ZFHX3: variants seen among roughly 807,000 people sequenced by gnomAD.
ZFHX3 encodes the protein zinc finger homeobox 3.
In ZFHX3, 42 loss-of-function variants were observed where a neutral mutation model predicts 279.1. The ratio of observed to expected loss-of-function variants is 0.15; its 90% confidence interval spans 0.12 to 0.19. The LOEUF (loss-of-function observed/expected upper bound fraction) is 0.19. ZFHX3 is among the 10% of genes least tolerant of loss of function. The pLI is 1.00. For missense variants in ZFHX3, 4,981 were observed against 4,754.0 expected (o/e 1.05, Z -1.40); for synonymous variants, 2,293 against 1,957.8 (o/e 1.17, Z -4.52).
intron 2 of ZFHX3, among the ~76,000 whole-genome samples, chr16:73,561,777 T>C (rs1003606983): frequency 3.3e-5 from 5 of 152,256 alleles, no homozygotes; most frequent in Admixed American, 2.0e-4. Flanking sequence ...ACTGCCGAGT[T>C]CTATGACAAT....
chr16:73,337,895 G>GT (rs951304226), intron 3 of ZFHX3, among the ~76,000 whole-genome samples: 5 of 144,932 alleles, frequency 3.4e-5, no homozygotes, highest in Non-Finnish European at 7.7e-5. Flanking sequence ...CCCTTGGCGG[G>GT]GGGGGGGGTC....
chr16:73,553,645 A>G (rs1169849344), intron 2 of ZFHX3, among the ~76,000 whole-genome samples: 1 of 152,220 alleles, frequency 6.6e-6, no homozygotes, highest in African/African-American at 2.4e-5. Flanking sequence ...TAAGGACAGC[A>G]TAGACTGGTC....
At chr16:73,632,694 A>G (rs919453922) in intron 2 of ZFHX3, among the ~76,000 whole-genome samples, 3 of 151,804 alleles carry the variant, frequency 2.0e-5, no homozygotes, top group Non-Finnish European at 4.4e-5. Context: ...CAAAAAAAAA[A>G]AAAAAGAAAA....
At chr16:72,992,953 A>G (rs906117175) in intron 1 of ZFHX3, among the ~76,000 whole-genome samples, 4 of 152,252 alleles carry the variant, frequency 2.6e-5, no homozygotes, top group Non-Finnish European at 5.9e-5. Flanking sequence ...CCTGGCCAAC[A>G]TGGTGAGACC....
At position 73,631,311 on chromosome 16, in the gene ZFHX3, C is replaced by T. The variant is rs778581717; in HGVS notation, c.-1547+48869G>A. On this transcript the variant is annotated intron_variant, in intron 2 of 17. Coordinates refer to the ZFHX3 transcript ENST00000641206. ...AAAAATGGTATTTTCTTTAACAACT[C>T]GAAATGTAGCATACACTGCTTCTGA... 5.1e-4 allele frequency among the ~76,000 whole-genome samples: 78 copies of T among 152,032 alleles called. 1 individual carries two copies. The highest frequency in any genetic ancestry group is 9.3e-4 in the Non-Finnish European group (63 of 68,020).
At chr16:73,630,331 A>C (rs777112174) in intron 2 of ZFHX3, among the ~76,000 whole-genome samples, 3 of 152,232 alleles carry the variant, frequency 2.0e-5, no homozygotes, top group South Asian at 2.1e-4. Context: ...CTGCTCTCAG[A>C]AGGAACAAGT....
chr16:73,774,475 C>G (rs966127286), intron 1 of ZFHX3, among the ~76,000 whole-genome samples: 2 of 152,158 alleles, frequency 1.3e-5, no homozygotes, highest in East Asian at 3.9e-4. Flanking sequence ...CAAACAAATA[C>G]CCATATGCTC....
intron 5 of ZFHX3, among the ~76,000 whole-genome samples, chr16:73,154,526 T>C (rs546785056): frequency 7.0e-4 from 107 of 152,214 alleles, no homozygotes; most frequent in African/African-American, 2.5e-3. Flanking sequence ...TGGAAAGAAA[T>C]GAATGACTTG....
intron 2 of ZFHX3, among the ~76,000 whole-genome samples, chr16:73,541,519 A>G (rs1341403377): frequency 1.3e-5 from 2 of 152,088 alleles, no homozygotes; most frequent in Non-Finnish European, 2.9e-5. Flanking sequence ...ATAAAACAGA[A>G]AAAGCCATAC....
At chr16:73,214,843 CTTTTTTTTTT>C (rs386385051) in intron 5 of ZFHX3, among the ~76,000 whole-genome samples, 5 of 79,256 alleles carry the variant, frequency 6.3e-5, no homozygotes, top group South Asian at 5.8e-4. Flanking sequence ...TGCTGAAGGC[CTTTTTTTTTT>C]TTTTTTTTTT....
chr16:73,112,743 G>T lies in ZFHX3; in HGVS notation c.-897+18225C>A, dbSNP rs199508576. Among the ~76,000 whole-genome samples the T allele has an allele frequency of 2.2e-4, 14 of 64,774 alleles. No homozygotes were observed. In the South Asian group the frequency reaches 3.2e-3, roughly 15 times the overall value. The allele number at this position is 64,774 out of a possible 152,430, so 42.5% of individuals were successfully genotyped here. A position where few individuals can be genotyped will look rare whatever the true frequency, so the allele number is the denominator to read the frequency against. The stretch of plus-strand genomic sequence containing the variant: ...AAAAAAAAAAAAAAAAAAAAAAAAA[G>T]TAAGTGCTTTCCCCCAGTAGACTGA... On this transcript the variant is annotated intron_variant, in intron 7 of 17. Transcript: ENST00000641206.
At chr16:73,650,667 C>T (rs754220773) in intron 2 of ZFHX3, among the ~76,000 whole-genome samples, 14 of 152,164 alleles carry the variant, frequency 9.2e-5, no homozygotes, top group Non-Finnish European at 1.8e-4. Flanking sequence ...TAAGTAATCA[C>T]ATTAGCTAAG....
At chr16:72,882,733 C>G (rs2038513343) in intron 4 of ZFHX3, among the ~76,000 whole-genome samples, 1 of 152,116 alleles carries the variant, frequency 6.6e-6, no homozygotes, top group Non-Finnish European at 1.5e-5. Flanking sequence ...AGAGAGCAAG[C>G]AGAAAAGTTT....
intron 2 of ZFHX3, among the ~76,000 whole-genome samples, chr16:73,530,686 G>T (rs2019784439): frequency 6.6e-6 from 1 of 152,102 alleles, no homozygotes. Flanking sequence ...ATTAAGAAAA[G>T]CTCATTACAC....
chr16:73,794,566 C>T (rs1011339843), intron 1 of ZFHX3, among the ~76,000 whole-genome samples: 4 of 152,100 alleles, frequency 2.6e-5, no homozygotes, highest in Admixed American at 1.3e-4. Flanking sequence ...AACCATGAGG[C>T]GATCCTGAGA....
chr16:73,759,653 A>G (rs2063506), intron 1 of ZFHX3, among the ~76,000 whole-genome samples: 77,451 of 151,960 alleles, frequency 0.51, 19,999 homozygotes, highest in Non-Finnish European at 0.54. Flanking sequence ...AGTCTTCTAA[A>G]TTCCTTCCCC....
intron 1 of ZFHX3, among the ~76,000 whole-genome samples, chr16:73,806,775 C>T (rs1398691444): frequency 2.0e-5 from 3 of 152,194 alleles, no homozygotes; most frequent in Non-Finnish European, 4.4e-5. Context: ...AAGCATGCCA[C>T]TTTTGGAAAA....
chr16:73,706,493 T>C (rs1378535896), intron 1 of ZFHX3, among the ~76,000 whole-genome samples: 1 of 150,740 alleles, frequency 6.6e-6, no homozygotes, highest in East Asian at 1.9e-4. Context: ...TCATTTCTGA[T>C]CATTTCTGGA....
At chr16:73,535,504 C>T (rs1005743170) in intron 2 of ZFHX3, among the ~76,000 whole-genome samples, 10 of 152,162 alleles carry the variant, frequency 6.6e-5, no homozygotes, top group Admixed American at 6.5e-4. Context: ...CAGTTTTCCA[C>T]ATTGCTGGAG....
Sources: allele counts gnomAD v4.1 joint callset (sites outside exome capture counted in the v4.1 genomes callset), GRCh38; gene constraint gnomAD v4.1.1; transcripts MANE v1.5; gene names NCBI Gene and HGNC (gene_info 2026-07-23, HGNC 2026-07-21).